TTC6: variants seen among roughly 807,000 people sequenced by gnomAD.
TTC6 encodes tetratricopeptide repeat domain 6.
TTC6 carries 172 observed loss-of-function variants against 210.4 expected under a neutral mutation model. The ratio of observed to expected loss-of-function variants is 0.82; its 90% CI spans 0.72 to 0.93. TTC6 has a LOEUF of 0.93. Among genes scored for constraint, TTC6 ranks in the 40% least tolerant of loss-of-function variants. TTC6 has a pLI of 0.00. For missense variants in TTC6, 2,414 were observed against 2,318.1 expected, an observed-to-expected ratio of 1.04 and a Z score of -0.85; for synonymous variants, 804 against 819.6, an observed-to-expected ratio of 0.98 and a Z score of 0.32.
At chr14:37,792,125 T>C (rs2096081221) in intron 16 of TTC6, 139 bp from the exon 19 acceptor site, 4 of 661,514 alleles carry the variant, frequency 6.0e-6, no homozygotes, top group Admixed American at 3.7e-5. Flanking sequence ...AGCTAACTAA[T>C]TTACTTTCCT....
At chr14:37,833,262 C>T (rs1451632149) in intron 29 of TTC6, among the ~76,000 whole-genome samples, 1 of 152,014 alleles carries the variant, frequency 6.6e-6, no homozygotes, top group Non-Finnish European at 1.5e-5. Context: ...CTCTCTTTAC[C>T]TATAATAATT....
intron 29 of TTC6, among the ~76,000 whole-genome samples, chr14:37,832,462 A>G (rs2096188277): frequency 6.6e-6 from 1 of 151,444 alleles, no homozygotes; most frequent in African/African-American, 2.4e-5. Context: ...TCAACTCTAT[A>G]AATGTCCCTC....
At chr14:37,621,983 G>C (rs1353351611), upstream of TTC6, 12 of 1,047,310 alleles carry the variant, frequency 1.1e-5, no homozygotes, top group African/African-American at 1.6e-5. Context: ...TTTTATTCCA[G>C]TTTTGTTTTA....
chr14:37,829,707 G>A (rs533682322), intron 29 of TTC6, among the ~76,000 whole-genome samples: 20 of 152,116 alleles, frequency 1.3e-4, no homozygotes, highest in Non-Finnish European at 2.2e-4. Context: ...AGTCTAAGTA[G>A]GGGAAAGAAC....
intron 7 of TTC6, among the ~76,000 whole-genome samples, chr14:37,725,994 C>A (rs1462743245): frequency 6.6e-6 from 1 of 152,018 alleles, no homozygotes; most frequent in East Asian, 1.9e-4. Flanking sequence ...ACCTATTATT[C>A]TTCTCCCACA....
rs149754603 is a variant in TTC6, at chr14:37,659,376, G to A, written c.940-20775G>A. Reference sequence around the variant, plus strand: ...AATTGCCACACTGCTTTCCACAATAGTTGAACTAATTTACACTCCTGCCAA... The same window carrying A: ...AATTGCCACACTGCTTTCCACAATAATTGAACTAATTTACACTCCTGCCAA... On this transcript the variant is annotated intron_variant, in intron 1 of 30. Coordinates refer to ENST00000553443, the Ensembl canonical transcript of TTC6. 3.5e-3 allele frequency among the ~76,000 whole-genome samples: 540 copies of A among 152,190 alleles called. 4 individuals carry two copies. The highest frequency in any genetic ancestry group is 0.013 in the African/African-American group (519 of 41,516).
chr14:37,599,234 C>G (rs1322172597), intron 1 of TTC6, among the ~76,000 whole-genome samples: 2 of 152,196 alleles, frequency 1.3e-5, no homozygotes, highest in African/African-American at 4.8e-5. Flanking sequence ...CCTTCGCTGC[C>G]TTCCTTTTAT....
chr14:37,805,980 A>G (rs994671904), intron 21 of TTC6, among the ~76,000 whole-genome samples: 12 of 152,286 alleles, frequency 7.9e-5, no homozygotes, highest in African/African-American at 2.6e-4. Context: ...GATTACAGGA[A>G]TGAGCCACCA....
chr14:37,600,226 C>G (rs1262867638), intron 1 of TTC6, among the ~76,000 whole-genome samples: 55 of 152,168 alleles, frequency 3.6e-4, no homozygotes. Context: ...CTTGGAGATC[C>G]TGGCGTTTCC....
At chr14:37,645,763 G>A (rs765796907) in intron 1 of TTC6, among the ~76,000 whole-genome samples, 1 of 152,122 alleles carries the variant, frequency 6.6e-6, no homozygotes, top group Non-Finnish European at 1.5e-5. Flanking sequence ...GAGTATGGTA[G>A]GAGATGATGC....
intron 1 of TTC6, among the ~76,000 whole-genome samples, chr14:37,630,615 G>A (rs1400335548): frequency 6.6e-6 from 1 of 152,136 alleles, no homozygotes; most frequent in African/African-American, 2.4e-5. Context: ...CCAGAGCTGA[G>A]TTCAAGTCCT....
At chr14:37,755,553 G>A (rs1418593139) in intron 14 of TTC6, among the ~76,000 whole-genome samples, 3 of 152,164 alleles carry the variant, frequency 2.0e-5, no homozygotes, top group Admixed American at 2.0e-4. Flanking sequence ...GTTAATTTTT[G>A]TATAAGGTGT....
intron 15 of TTC6, among the ~76,000 whole-genome samples, chr14:37,789,653 A>G (rs1348060443): frequency 6.8e-6 from 1 of 146,918 alleles, no homozygotes; most frequent in Non-Finnish European, 1.5e-5. Context: ...AATATATTCT[A>G]TATTCTGTAT....
intron 29 of TTC6, among the ~76,000 whole-genome samples, chr14:37,832,773 A>G (rs2096188893): frequency 6.6e-6 from 1 of 152,030 alleles, no homozygotes; most frequent in African/African-American, 2.4e-5. Context: ...AAGAATGGGT[A>G]TTCTGGCCAC....
chr14:37,770,819 G>T lies in TTC6; in HGVS notation c.3267-16649G>T, dbSNP rs1297024888. Among the ~76,000 whole-genome samples the T allele has an allele frequency of 3.6e-3, 541 of 148,542 alleles. 4 individuals carry two copies. Among genetic ancestry groups the T allele is most frequent in the African/African-American group, 0.013 (509 of 40,180 alleles). On this transcript the variant is annotated intron_variant, in intron 14 of 30. Coordinates refer to ENST00000553443, the Ensembl canonical transcript of TTC6. ...TCCATTTACATTTAAAGTTAATATT[G>T]TTATGTGTGAATTTGATCCTGTCAT...
intron 1 of TTC6, among the ~76,000 whole-genome samples, chr14:37,635,910 T>C (rs2095679302): frequency 7.2e-6 from 1 of 138,410 alleles, no homozygotes; most frequent in African/African-American, 2.8e-5. Context: ...ACCCAGGAGA[T>C]GGAGGTTGCA....
exon 13 of TTC6, chr14:37,751,094 G>A (rs2095950502): frequency 6.6e-7 from 1 of 1,525,086 alleles, no homozygotes; most frequent in Non-Finnish European, 8.8e-7. Context: ...GGGAAAAAAA[G>A]ACATAACTTT....
intron 1 of TTC6, among the ~76,000 whole-genome samples, chr14:37,631,659 G>A (rs1355318316): frequency 3.3e-5 from 5 of 152,288 alleles, no homozygotes; most frequent in Admixed American, 6.5e-5. Context: ...ATGTTGGCCT[G>A]TCTTGCTAGG....
chr14:37,715,621 T>C (rs1401376106), intron 6 of TTC6, among the ~76,000 whole-genome samples: 1 of 152,078 alleles, frequency 6.6e-6, no homozygotes, highest in East Asian at 1.9e-4. Flanking sequence ...ATGCTACCTG[T>C]AGGGGAAAAA....
Sources: allele counts gnomAD v4.1 joint callset (sites outside exome capture counted in the v4.1 genomes callset), GRCh38; gene constraint gnomAD v4.1.1; transcripts MANE v1.5; gene names NCBI Gene and HGNC (gene_info 2026-07-23, HGNC 2026-07-21).